NR2F1-AS1: variants seen among roughly 807,000 people sequenced by gnomAD.
NR2F1-AS1 encodes NR2F1 regulatory antisense RNA 1, also known as NR2F1 antisense RNA 1.
intron 4 of NR2F1-AS1, among the ~76,000 whole-genome samples, chr5:93,455,861 A>G (rs1050977254): frequency 1.3e-5 from 2 of 151,944 alleles, no homozygotes; most frequent in African/African-American, 2.4e-5. Flanking sequence ...ACACACACAC[A>G]CACACCTGAA....
chr5:93,543,909 T>C (rs1752014801), intron 4 of NR2F1-AS1: 1 of 152,196 alleles, frequency 6.6e-6, no homozygotes, highest in African/African-American at 2.4e-5. Flanking sequence ...TTGCGATATG[T>C]ATTGCACTTC....
At chr5:93,548,862 A>G (rs1349692819) in intron 4 of NR2F1-AS1, among the ~76,000 whole-genome samples, 1 of 152,158 alleles carries the variant, frequency 6.6e-6, no homozygotes, top group African/African-American at 2.4e-5. Flanking sequence ...TAAGAGTGAG[A>G]ATCTGCCTCA....
At chr5:93,427,976 C>T (rs1749231452) in intron 4 of NR2F1-AS1, among the ~76,000 whole-genome samples, 1 of 152,002 alleles carries the variant, frequency 6.6e-6, no homozygotes. Context: ...CTGTCTGTGA[C>T]TTCCAGCACT....
intron 4 of NR2F1-AS1, among the ~76,000 whole-genome samples, chr5:93,464,768 A>C (rs1267075469): frequency 2.0e-5 from 3 of 152,244 alleles, no homozygotes; most frequent in Non-Finnish European, 2.9e-5. Context: ...CACCTGATAC[A>C]TAAGCCCACA....
At chr5:93,519,231 A>G (rs1751454669) in intron 4 of NR2F1-AS1, among the ~76,000 whole-genome samples, 1 of 152,090 alleles carries the variant, frequency 6.6e-6, no homozygotes, top group African/African-American at 2.4e-5. Context: ...AGCCTAGCAC[A>G]CATAAAAGAA....
chr5:93,531,975 A>G (rs1748277707), intron 4 of NR2F1-AS1, among the ~76,000 whole-genome samples: 1 of 152,226 alleles, frequency 6.6e-6, no homozygotes, highest in East Asian at 1.9e-4. Context: ...ATTTTAAGGA[A>G]GCCTACCTCT....
chr5:93,446,422 G>A (rs947195298), intron 4 of NR2F1-AS1, among the ~76,000 whole-genome samples: 2 of 152,126 alleles, frequency 1.3e-5, no homozygotes, highest in African/African-American at 4.8e-5. Context: ...CAAACAGAGA[G>A]CCAAATCATG....
At chr5:93,462,977 C>T (rs984876568) in intron 4 of NR2F1-AS1, among the ~76,000 whole-genome samples, 3 of 152,292 alleles carry the variant, frequency 2.0e-5, no homozygotes, top group Non-Finnish European at 2.9e-5. Flanking sequence ...AAGAAAACCC[C>T]ATTTTCTGAG....
intron 4 of NR2F1-AS1, among the ~76,000 whole-genome samples, chr5:93,471,825 T>G (rs1230648705): frequency 6.6e-6 from 1 of 151,870 alleles, no homozygotes; most frequent in Non-Finnish European, 1.5e-5. Context: ...GGTTAATAAT[T>G]ATCAATAATC....
chr5:93,524,190 A>G (rs944396547), intron 4 of NR2F1-AS1, among the ~76,000 whole-genome samples: 2 of 152,028 alleles, frequency 1.3e-5, no homozygotes, highest in East Asian at 1.9e-4. Flanking sequence ...AAAACACAGC[A>G]TGAGACCTTC....
intron 4 of NR2F1-AS1, among the ~76,000 whole-genome samples, chr5:93,431,940 T>C (rs938983831): frequency 2.6e-5 from 4 of 152,206 alleles, no homozygotes; most frequent in African/African-American, 9.6e-5. Flanking sequence ...GTTCCCAGAA[T>C]GAGTAATTTT....
At chr5:93,487,300 T>C (rs1561463637) in intron 4 of NR2F1-AS1, among the ~76,000 whole-genome samples, 1 of 151,974 alleles carries the variant, frequency 6.6e-6, no homozygotes, top group Non-Finnish European at 1.5e-5. Context: ...AGAGAGAAAA[T>C]CAAATTGTCT....
intron 4 of NR2F1-AS1, among the ~76,000 whole-genome samples, chr5:93,444,469 G>A (rs2149853872): frequency 6.6e-6 from 1 of 152,160 alleles, no homozygotes; most frequent in South Asian, 2.1e-4. Flanking sequence ...TTATATAATT[G>A]TAAAGGGATC....
chr5:93,537,821 A>G (rs6861617), intron 4 of NR2F1-AS1, among the ~76,000 whole-genome samples: 7,036 of 152,212 alleles, frequency 0.046, 533 homozygotes, highest in African/African-American at 0.16. Flanking sequence ...CTCCAATAAC[A>G]TTTCATTCAA....
intron 4 of NR2F1-AS1, among the ~76,000 whole-genome samples, chr5:93,413,189 C>CATATATATGT (rs72385943): frequency 0.017 from 2,427 of 146,122 alleles, 38 homozygotes; most frequent in Non-Finnish European, 0.026. Flanking sequence ...TCAGAATAGA[C>CATATATATGT]ATATATATGT....
Position 93,419,541 on chromosome 5 carries a change from G to T in NR2F1-AS1, n.639-23999C>A, listed in dbSNP as rs1749042881. Among the ~76,000 whole-genome samples the T allele has an allele frequency of 3.3e-5, 5 of 152,106 alleles. No individual in the cohort carries two copies. In the South Asian group the frequency reaches 1.0e-3, roughly 32 times the overall value. ...GCCTGTGAATAACCACTGCACTCCA[G>T]CCTAGGCAATACAGAAAGACTCTAC... On this transcript the variant is annotated intron_variant and non_coding_transcript_variant, in intron 4 of 5. Coordinates refer to ENST00000660523, the Ensembl canonical transcript of NR2F1-AS1.
rs991594594 is a variant in NR2F1-AS1 at position 93,444,609 on chromosome 5, T to C, written n.639-49067A>G. Among the ~76,000 whole-genome samples the C allele has an allele frequency of 2.0e-5, 3 of 152,174 alleles. No individual in the cohort carries two copies. In the South Asian group the frequency reaches 6.2e-4, roughly 32 times the overall value. Reference sequence around the variant, plus strand: ...CCCACACAAAAATAATGGGAGACTTTAACATCTCACTGTCAACATTAGACA... The same window carrying C: ...CCCACACAAAAATAATGGGAGACTTCAACATCTCACTGTCAACATTAGACA... On this transcript the variant is annotated intron_variant and non_coding_transcript_variant, in intron 4 of 5. Transcript: ENST00000660523.
chr5:93,414,640 T>C (rs1163522303), intron 4 of NR2F1-AS1, among the ~76,000 whole-genome samples: 1 of 152,152 alleles, frequency 6.6e-6, no homozygotes, highest in African/African-American at 2.4e-5. Flanking sequence ...TGCCACTATA[T>C]CAGGGTTGGA....
chr5:93,498,211 A>T lies in NR2F1-AS1; in HGVS notation n.638+55550T>A, dbSNP rs1463350072. Among the ~76,000 whole-genome samples, 35 of 152,004 alleles carry T rather than the reference A, an allele frequency of 2.3e-4. 1 individual carries two copies. Among genetic ancestry groups the T allele is most frequent in the Admixed American group, 2.3e-3 (35 of 15,244 alleles). Reference sequence around the variant, plus strand: ...AATTTTAAAACAGAATAAGTCTTACAACCAAAAGATAATAATAATAATAAT... The same window carrying T: ...AATTTTAAAACAGAATAAGTCTTACTACCAAAAGATAATAATAATAATAAT... On this transcript the variant is annotated intron_variant and non_coding_transcript_variant, in intron 4 of 5. Transcript: ENST00000660523.
Sources: gnomAD v4.1 joint callset for allele counts (sites outside exome capture counted in the v4.1 genomes callset) on GRCh38, gnomAD v4.1.1 for gene constraint, MANE v1.5 for transcripts, NCBI Gene and HGNC (gene_info 2026-07-23, HGNC 2026-07-21) for gene names.